KCNIP1: variants seen among roughly 807,000 people sequenced by gnomAD.
KCNIP1 encodes potassium voltage-gated channel interacting protein 1, also known as A-type potassium channel modulatory protein KCNIP1.
A neutral mutation model predicts 33.0 loss-of-function variants in KCNIP1; 18 were observed. That is an observed-to-expected ratio of 0.55 (90% CI 0.38 to 0.81). KCNIP1 has a LOEUF of 0.81. KCNIP1 is among the 30% of genes least tolerant of loss of function. The pLI, the probability that KCNIP1 is intolerant of heterozygous loss-of-function variation, is 0.00. For missense variants in KCNIP1, 238 were observed against 271.6 expected (o/e 0.88, Z 0.87); for synonymous variants, 93 against 98.3 (o/e 0.95, Z 0.32).
At chr5:170,450,966 G>A (rs576307636) in intron 1 of KCNIP1, among the ~76,000 whole-genome samples, 45 of 152,118 alleles carry the variant, frequency 3.0e-4, no homozygotes, top group Non-Finnish European at 5.3e-4. Flanking sequence ...TTAGAAGAGT[G>A]TGTGCGATTA....
chr5:170,662,761 T>C (rs961397013), intron 1 of KCNIP1, among the ~76,000 whole-genome samples: 5 of 152,216 alleles, frequency 3.3e-5, no homozygotes, highest in African/African-American at 1.2e-4. Context: ...CTCTTTCTCC[T>C]CCTCTGTCTA....
intron 1 of KCNIP1, among the ~76,000 whole-genome samples, chr5:170,551,999 A>G (rs949782921): frequency 2.7e-5 from 4 of 147,226 alleles, no homozygotes; most frequent in East Asian, 2.0e-4. Flanking sequence ...TTGTGTGCGT[A>G]TGTGTGTGTG....
At chr5:170,404,165 C>T (rs1465983984) in intron 1 of KCNIP1, among the ~76,000 whole-genome samples, 3 of 152,294 alleles carry the variant, frequency 2.0e-5, no homozygotes, top group East Asian at 3.9e-4. Context: ...GAAAATTAAG[C>T]TTCAGGTTTT....
At chr5:170,384,314 G>T (rs2113343380) in intron 1 of KCNIP1, among the ~76,000 whole-genome samples, 1 of 152,232 alleles carries the variant, frequency 6.6e-6, no homozygotes, top group East Asian at 1.9e-4. Context: ...AAGTGACTTT[G>T]CTGAGACCTT....
At chr5:170,564,744 T>C (rs575720748) in intron 1 of KCNIP1, among the ~76,000 whole-genome samples, 4 of 152,334 alleles carry the variant, frequency 2.6e-5, no homozygotes, top group African/African-American at 7.2e-5. Flanking sequence ...TTTTTTTTAT[T>C]TTATGAAACT....
chr5:170,385,507 C>T (rs962966451), intron 1 of KCNIP1: 29 of 1,596,118 alleles, frequency 1.8e-5, no homozygotes, highest in Non-Finnish European at 2.3e-5. Flanking sequence ...TGAGATCAGC[C>T]CAGTTCACAG....
chr5:170,384,419 G>T (rs1764381901), intron 1 of KCNIP1, among the ~76,000 whole-genome samples: 1 of 152,174 alleles, frequency 6.6e-6, no homozygotes, highest in Admixed American at 6.5e-5. Flanking sequence ...AGCCAGGATG[G>T]GAAAGATGGT....
intron 1 of KCNIP1, among the ~76,000 whole-genome samples, chr5:170,495,618 A>G (rs1757295395): frequency 6.6e-6 from 1 of 152,220 alleles, no homozygotes; most frequent in South Asian, 2.1e-4. Context: ...GTGGAGGACA[A>G]GGGCAAACCC....
intron 2 of KCNIP1, among the ~76,000 whole-genome samples, chr5:170,720,108 A>C (rs761355803): frequency 3.3e-5 from 5 of 152,134 alleles, no homozygotes; most frequent in Non-Finnish European, 5.9e-5. Flanking sequence ...TAAAGCCCCA[A>C]ATCTCTCCAC....
intron 1 of KCNIP1, among the ~76,000 whole-genome samples, chr5:170,522,135 A>G (rs12514784): frequency 0.26 from 38,853 of 152,162 alleles, 5,096 homozygotes; most frequent in East Asian, 0.45. Flanking sequence ...GAGCCCAGGT[A>G]CTATGTGGTC....
intron 1 of KCNIP1, among the ~76,000 whole-genome samples, chr5:170,426,070 T>C (rs1755606810): frequency 6.6e-6 from 1 of 152,182 alleles, no homozygotes; most frequent in African/African-American, 2.4e-5. Flanking sequence ...TGGCCGCTTC[T>C]CCAGCCCTTC....
At chr5:170,556,120 A>G (rs1404202650) in intron 1 of KCNIP1, among the ~76,000 whole-genome samples, 2 of 152,238 alleles carry the variant, frequency 1.3e-5, no homozygotes, top group Admixed American at 6.5e-5. Context: ...ACGTCCGTAC[A>G]TTTCATTCTC....
At chr5:170,414,815 C>T (rs1483584134) in intron 1 of KCNIP1, among the ~76,000 whole-genome samples, 2 of 152,168 alleles carry the variant, frequency 1.3e-5, no homozygotes, top group African/African-American at 4.8e-5. Context: ...AAATTCAATG[C>T]GTATTCTTTG....
chr5:170,586,361 T>C (rs562545011), intron 1 of KCNIP1, among the ~76,000 whole-genome samples: 5 of 152,242 alleles, frequency 3.3e-5, no homozygotes, highest in African/African-American at 7.2e-5. Flanking sequence ...ATGGTGACGA[T>C]GATGATGAAG....
intron 1 of KCNIP1, among the ~76,000 whole-genome samples, chr5:170,691,839 G>A (rs1762730697): frequency 6.9e-6 from 1 of 145,834 alleles, no homozygotes; most frequent in Admixed American, 6.7e-5. Flanking sequence ...CAAGGTCCTG[G>A]AGGGGGCGCC....
chr5:170,493,428 G>A (rs1757247779), intron 1 of KCNIP1, among the ~76,000 whole-genome samples: 1 of 152,190 alleles, frequency 6.6e-6, no homozygotes, highest in African/African-American at 2.4e-5. Context: ...TCCATCCCTG[G>A]AGATCTTTAG....
chr5:170,659,780 T>C (rs1391044113), intron 1 of KCNIP1, among the ~76,000 whole-genome samples: 1 of 152,226 alleles, frequency 6.6e-6, no homozygotes, highest in Admixed American at 6.5e-5. Flanking sequence ...AGATAAGATC[T>C]TTGACTATTA....
At chr5:170,718,706 C>G in intron 1 of KCNIP1, 52 bp from the exon 2 acceptor site, 1 of 1,609,264 alleles carries the variant, frequency 6.2e-7, no homozygotes, top group Non-Finnish European at 8.5e-7. Flanking sequence ...TGTTACCTAA[C>G]AAGAATGACT....
At chr5:170,392,676 A>T (rs748827435) in intron 1 of KCNIP1, among the ~76,000 whole-genome samples, 3 of 152,164 alleles carry the variant, frequency 2.0e-5, no homozygotes, top group Non-Finnish European at 2.9e-5. Context: ...TACAAAAATT[A>T]GCTGGGCACG....
Sources: gnomAD v4.1 joint callset for allele counts (sites outside exome capture counted in the v4.1 genomes callset) on GRCh38, gnomAD v4.1.1 for gene constraint, MANE v1.5 for transcripts, NCBI Gene and HGNC (gene_info 2026-07-23, HGNC 2026-07-21) for gene names.